Variants in CACNA1C observed in about 807,000 individuals in gnomAD.
The protein encoded by CACNA1C is voltage-dependent L-type calcium channel subunit alpha-1C.
CACNA1C carries 30 observed loss-of-function variants against 229.0 expected under a neutral mutation model. That is an observed-to-expected ratio of 0.13 (90% confidence interval 0.10 to 0.18). CACNA1C has a LOEUF of 0.18. Ranked by LOEUF, CACNA1C falls within the 10% of genes least tolerant of loss-of-function variation. The pLI is 1.00. For missense variants in CACNA1C, 1,658 were observed against 2,845.0 expected, an observed-to-expected ratio of 0.58 and a Z score of 9.49; for synonymous variants, 1,114 against 1,132.5, an observed-to-expected ratio of 0.98 and a Z score of 0.33.
At chr12:2,382,882 G>A (rs2098282900) in intron 3 of CACNA1C, among the ~76,000 whole-genome samples, 1 of 152,154 alleles carries the variant, frequency 6.6e-6, no homozygotes, top group Admixed American at 6.5e-5. Context: ...CCTTTCAGCT[G>A]TTCTTGAGAG....
chr12:2,602,054 C>A lies in CACNA1C; in HGVS notation c.2960+94C>A. 1 of 808,178 alleles carries A rather than the reference C, an allele frequency of 1.2e-6. No homozygotes were observed. Among genetic ancestry groups the A allele is most frequent in the South Asian group, 1.4e-5 (1 of 69,092 alleles). 50.1% of individuals were successfully genotyped at this position (808,178 alleles called of 1,614,324 possible). On this transcript the variant is annotated intron_variant, in intron 22 of 46. Transcript: ENST00000399655. This position sits in a 1 kb window ranked among gnomAD's most constrained non-coding sequence, Gnocchi z 4.4. ...ACCCTGGAGGGCCTGCCTGCAGGGC[C>A]ACCGCAGTGTGATGAGAGTGGGGTG...
chr12:2,580,642 C>A (rs2060156532), intron 13 of CACNA1C, among the ~76,000 whole-genome samples: 1 of 152,210 alleles, frequency 6.6e-6, no homozygotes, highest in South Asian at 2.1e-4. Context: ...TAGTAGGTTC[C>A]CCCTCCCACT....
chr12:2,546,833 G>A (rs1412464833), intron 9 of CACNA1C, among the ~76,000 whole-genome samples: 1 of 152,214 alleles, frequency 6.6e-6, no homozygotes, highest in African/African-American at 2.4e-5. Context: ...GCCTTTGATG[G>A]GTCTTTGCTG....
At position 2,285,988 on chromosome 12, in the gene CACNA1C, G is replaced by A. The variant is rs1051935456; in HGVS notation, c.478-162988G>A. 2.6e-5 allele frequency among the ~76,000 whole-genome samples: 4 copies of A among 152,212 alleles called. No individual in the cohort carries two copies. The highest frequency in any genetic ancestry group is 9.6e-5 in the African/African-American group (4 of 41,526). ...TTGAGGCCCAGGGACATTTCCCAGG[G>A]GATGAACTCTAACTAAAAATGAAGG... On this transcript the variant is annotated intron_variant, in intron 3 of 46. Transcript: ENST00000399655. The surrounding 1 kb of genome is among the most constrained non-coding windows in gnomAD (Gnocchi z 4.2).
At chr12:2,207,118 GC>G (rs2097776095) in intron 3 of CACNA1C, among the ~76,000 whole-genome samples, 1 of 152,180 alleles carries the variant, frequency 6.6e-6, no homozygotes, top group East Asian at 1.9e-4. Context: ...CATTCGAGGA[GC>G]ATCTTTCCCT....
intron 3 of CACNA1C, among the ~76,000 whole-genome samples, chr12:2,358,487 G>C (rs1453398784): frequency 6.6e-6 from 1 of 152,192 alleles, no homozygotes; most frequent in Non-Finnish European, 1.5e-5. Context: ...CACCTAGTAA[G>C]TGGCAGTAAC....
In CACNA1C at chr12:2,387,799, G is replaced by T. The variant is rs146533536; in HGVS notation, c.478-61177G>T. 1.1e-3 allele frequency among the ~76,000 whole-genome samples: 163 copies of T among 152,306 alleles called. 1 individual carries two copies. The highest frequency in any genetic ancestry group is 3.8e-3 in the African/African-American group (158 of 41,570). On this transcript the variant is annotated intron_variant, in intron 3 of 46. Coordinates refer to ENST00000399655, the MANE Select transcript of CACNA1C (RefSeq NM_000719.7). ...AGGAACAGAAAGAAGTTGCCACAAA[G>T]CCTGTGAGGAGTGACAGCAGAGGGG...
At chr12:2,445,155 C>T (rs1240174069) in intron 3 of CACNA1C, among the ~76,000 whole-genome samples, 2 of 152,162 alleles carry the variant, frequency 1.3e-5, no homozygotes, top group African/African-American at 4.8e-5. Context: ...CTCCACATTC[C>T]CTACTCCCTA....
chr12:2,181,439 AGCTGAAAC>A lies in CACNA1C; in HGVS notation c.477+61010_477+61017del, dbSNP rs1223594880. 1.3e-5 allele frequency among the ~76,000 whole-genome samples: 2 copies of A among 152,194 alleles called. No homozygotes were observed. The highest frequency in any genetic ancestry group is 2.9e-5 in the Non-Finnish European group (2 of 68,040). ...ATGATCACAGCAGACTGACACGGCGAGCTGAAACAAACAGGAAAACATTTGAGCCTGAT... is the reference window on the plus strand; with the variant it reads ...ATGATCACAGCAGACTGACACGGCGAAAACAGGAAAACATTTGAGCCTGAT... On this transcript the variant is annotated intron_variant, in intron 3 of 46. Transcript: ENST00000399655. The surrounding 1 kb of genome is among the most constrained non-coding windows in gnomAD (Gnocchi z 4.0).
At chr12:1,996,616 TAAAAAAAA>T (rs78563698) in intron 1 of CACNA1C, among the ~76,000 whole-genome samples, 2 of 18,830 alleles carry the variant, frequency 1.1e-4, no homozygotes, top group Admixed American at 8.1e-4. Flanking sequence ...GCTGATGAGC[TAAAAAAAA>T]AAAAAAAAAA....
intron 3 of CACNA1C, among the ~76,000 whole-genome samples, chr12:2,201,283 A>G (rs1246166005): frequency 5.9e-5 from 9 of 152,224 alleles, no homozygotes; most frequent in Non-Finnish European, 8.8e-5. Context: ...TGGAGATTCA[A>G]TAATTGAGCC....
chr12:2,607,248 G>A, intron 26 of CACNA1C, 118 bp downstream of exon 26: 1 of 1,045,768 alleles, frequency 9.6e-7, no homozygotes, highest in Non-Finnish European at 1.4e-6. Flanking sequence ...ATATTTACCT[G>A]GGTCCTCCCC....
chr12:2,265,778 C>T (rs1398415273), intron 3 of CACNA1C, among the ~76,000 whole-genome samples: 6 of 152,186 alleles, frequency 3.9e-5, no homozygotes, highest in African/African-American at 1.2e-4. Flanking sequence ...TGAGTGCTCC[C>T]GCCCCCTTTG....
At chr12:2,069,378 G>A (rs528618992) in intron 1 of CACNA1C, among the ~76,000 whole-genome samples, 1 of 152,246 alleles carries the variant, frequency 6.6e-6, no homozygotes, top group Non-Finnish European at 1.5e-5. Flanking sequence ...TAACACTTGG[G>A]AGCCAAACCC....
rs1179545055 is a variant in CACNA1C at position 2,486,759 on chromosome 12, A to G, written c.916+497A>G. Among the ~76,000 whole-genome samples the G allele has an allele frequency of 1.3e-5, 2 of 152,082 alleles. No homozygotes were observed. The highest frequency in any genetic ancestry group is 3.9e-4 in the East Asian group (2 of 5,178). ...TGCTGATTCCAGATCCTCTGTAATTATTGTTTCTGCTTCTCCATTCACAGG... is the reference window on the plus strand; with the variant it reads ...TGCTGATTCCAGATCCTCTGTAATTGTTGTTTCTGCTTCTCCATTCACAGG... On this transcript the variant is annotated intron_variant, in intron 6 of 46. Transcript: ENST00000399655. This position sits in a 1 kb window ranked among gnomAD's most constrained non-coding sequence, Gnocchi z 4.9.
intron 6 of CACNA1C, among the ~76,000 whole-genome samples, chr12:2,487,437 A>G (rs1335639222): frequency 6.8e-6 from 1 of 147,234 alleles, no homozygotes; most frequent in East Asian, 2.0e-4. Flanking sequence ...CTTTCTATGT[A>G]TGATCTAGTA....
chr12:2,215,515 CTG>C lies in CACNA1C; in HGVS notation c.477+95087_477+95088del, dbSNP rs1242014079. On this transcript the variant is annotated intron_variant, in intron 3 of 46. Transcript: ENST00000399655. This position sits in a 1 kb window ranked among gnomAD's most constrained non-coding sequence, Gnocchi z 5.0. Reference sequence around the variant, plus strand: ...GGGCCTGATTCCTCCAGCTCATGCTCTGTCTTTCCTCAGAGCTCCTACCACAG... The same window carrying C: ...GGGCCTGATTCCTCCAGCTCATGCTCTCTTTCCTCAGAGCTCCTACCACAG... 7.2e-5 allele frequency among the ~76,000 whole-genome samples: 11 copies of C among 152,216 alleles called. No homozygotes were observed. The highest frequency in any genetic ancestry group is 2.2e-4 in the African/African-American group (9 of 41,460).
Position 2,605,073 on chromosome 12 carries a change from TC to T in CACNA1C, c.2961-7del, listed in dbSNP as rs1304977835. The T allele has an allele frequency of 6.2e-7, 1 of 1,611,246 alleles. No individual in the cohort carries two copies. The highest frequency in any genetic ancestry group is 2.2e-5 in the East Asian group (1 of 44,874). ...GAGCTTACTACCCTGCCTGTTTCCC[TC>T]TCCCAGGTCCAGTGCAATCAATGTC... On this transcript the variant is annotated splice_polypyrimidine_tract_variant and splice_region_variant and intron_variant, in intron 22 of 46. Coordinates refer to ENST00000399655, the MANE Select transcript of CACNA1C (RefSeq NM_000719.7). The surrounding 1 kb of genome is among the most constrained non-coding windows in gnomAD (Gnocchi z 6.2).
intron 10 of CACNA1C, among the ~76,000 whole-genome samples, chr12:2,553,920 A>G (rs1825470193): frequency 6.6e-6 from 1 of 152,218 alleles, no homozygotes; most frequent in African/African-American, 2.4e-5. Flanking sequence ...TGGCCCTCCC[A>G]ATAATAAGAG....
Sources: allele counts gnomAD v4.1 joint callset (sites outside exome capture counted in the v4.1 genomes callset), GRCh38; gene constraint gnomAD v4.1.1; non-coding constraint Gnocchi (gnomAD v3.1); transcripts MANE v1.5; gene names NCBI Gene and HGNC (gene_info 2026-07-23, HGNC 2026-07-21).